POLE: variants seen among roughly 807,000 people sequenced by gnomAD.
The protein encoded by POLE is DNA polymerase epsilon, catalytic subunit, also known as DNA polymerase epsilon catalytic subunit A.
A neutral mutation model predicts 279.2 loss-of-function variants in POLE; 188 were observed. That is an observed-to-expected ratio of 0.67 (90% CI 0.60 to 0.76). The LOEUF (loss-of-function observed/expected upper bound fraction) is 0.76. POLE is among the 30% of genes least tolerant of loss of function. The pLI is 0.00. For synonymous variants in POLE, 1,214 were observed against 1,172.5 expected (o/e 1.04, Z -0.72); for missense variants, 2,703 against 3,016.7 (o/e 0.90, Z 2.44).
intron 21 of POLE, 71 bp downstream of exon 21, chr12:132,665,231 A>G (rs1593784842): frequency 6.8e-7 from 1 of 1,475,874 alleles, no homozygotes; most frequent in Admixed American, 1.7e-5. Context: ...AGCAGCCTAC[A>G]CCTGAAGCTG....
chr12:132,671,119 C>A (rs1294890121), intron 16 of POLE, among the ~76,000 whole-genome samples: 1 of 151,710 alleles, frequency 6.6e-6, no homozygotes, highest in East Asian at 1.9e-4. Flanking sequence ...AAAAATTGGC[C>A]AGGCATGGTG....
intron 45 of POLE, among the ~76,000 whole-genome samples, chr12:132,627,750 G>T (rs558427836): frequency 6.6e-6 from 1 of 152,326 alleles, no homozygotes; most frequent in East Asian, 1.9e-4. Context: ...CGTTTTGCTG[G>T]TGGAGGGTCT....
At chr12:132,633,970 G>A (rs536755710) in intron 43 of POLE, 30 of 484,998 alleles carry the variant, frequency 6.2e-5, no homozygotes, top group Admixed American at 5.9e-4. Context: ...GCAAAGGCTG[G>A]AGGGAAGACA....
chr12:132,656,789 T>C (rs1197847540), intron 29 of POLE, among the ~76,000 whole-genome samples: 1 of 152,242 alleles, frequency 6.6e-6, no homozygotes, highest in Non-Finnish European at 1.5e-5. Context: ...CTGTGTCCTG[T>C]GTTTCTAAGT....
Position 132,624,345 on chromosome 12 carries a change from G to A in POLE, c.*352C>T. The A allele has an allele frequency of 2.7e-6, 1 of 376,674 alleles. No homozygotes were observed. The highest frequency in any genetic ancestry group is 4.9e-6 in the Non-Finnish European group (1 of 202,472). The allele number at this position is 376,674 out of a possible 1,614,324, so 23.3% of individuals were successfully genotyped here. A position where few individuals can be genotyped will look rare whatever the true frequency, so the allele number is the denominator to read the frequency against. ...CTCTGGGAGGCAGGACAAAGAACTA[G>A]GGGCACCTAGAGGACGCTCCCACCC... On this transcript the variant is annotated 3_prime_UTR_variant, in exon 49 of 49. Coordinates refer to ENST00000320574, the MANE Select transcript of POLE (RefSeq NM_006231.4).
At position 132,668,394 on chromosome 12, in the gene POLE, C is replaced by T. The variant is rs115225325; in HGVS notation, c.2135G>A (p.Arg712His). Reference sequence around the variant, plus strand: ...CTTCTCGTATTTCGCCTGTTCCTCGCGGGACAGTTCATGAAAGGCCCGAGC... The same window carrying T: ...CTTCTCGTATTTCGCCTGTTCCTCGTGGGACAGTTCATGAAAGGCCCGAGC... ...GPARAFHELS[R>H]EEQAKYEKRR... Residue 712 changes from arginine (R) to histidine (H), a missense_variant, in exon 19 of 49, where the codon CGC becomes CAC. By Grantham distance (29) the Arg-to-His change is conservative. Transcript: ENST00000320574. This position sits in a 1 kb window ranked among gnomAD's most constrained non-coding sequence, Gnocchi z 4.0. 29 of 1,608,750 alleles carry T rather than the reference C, an allele frequency of 1.8e-5. No individual in the cohort carries two copies. Among genetic ancestry groups the T allele is most frequent in the Non-Finnish European group, 1.4e-5 (16 of 1,177,170 alleles).
In POLE at chr12:132,649,524, G is replaced by A; in HGVS notation, c.3796-9C>T. The A allele has an allele frequency of 6.2e-7, 1 of 1,611,874 alleles. No homozygotes were observed. Among genetic ancestry groups the A allele is most frequent in the Non-Finnish European group, 8.5e-7 (1 of 1,179,494 alleles). On this transcript the variant is annotated splice_polypyrimidine_tract_variant and intron_variant, in intron 30 of 48. Transcript: ENST00000320574. ...CAGACAAGCCATTCCTCCTGGGATG[G>A]ATGGTGAGCACAGCCAGTGTGCAAG...
Position 132,624,580 on chromosome 12 carries a change from G to T in POLE, c.*117C>A. On this transcript the variant is annotated 3_prime_UTR_variant, in exon 49 of 49. Transcript: ENST00000320574. ...GTTTCCTCCCCGTTCCCTGGCCTGG[G>T]GTCACAGGTTTGGACAGTCAGGGTG... The T allele has an allele frequency of 2.7e-6, 2 of 749,988 alleles. No individual in the cohort carries two copies. The highest frequency in any genetic ancestry group is 2.9e-5 in the South Asian group (2 of 69,936). The allele number at this position is 749,988 out of a possible 1,614,324, so 46.5% of individuals were successfully genotyped here.
Position 132,643,509 on chromosome 12 carries a change from T to C in POLE, c.4342A>G (p.Asn1448Asp), listed in dbSNP as rs1325155199. The change falls in exon 34 of 49, where the codon AAT becomes GAT. Residue 1448 changes from asparagine to aspartate, a missense_variant. Asn to Asp is a conservative substitution (Grantham distance 23). Around this residue, in one of 5 missense-constraint regions of POLE, gnomAD observed 1,551 missense variants for 1,686.1 expected, o/e 0.92. Transcript: ENST00000320574. ...GAAAGGTGCCTCACCAGCTGTTTAT[T>C]GACCACACACACACAGCCCAGGTGC... ...LVHLGCVCVV[N>D]KQLVRHLSGW... 6.2e-7 allele frequency: 1 copy of C among 1,614,178 alleles called. No individual in the cohort carries two copies. Among genetic ancestry groups the C allele is most frequent in the Admixed American group, 1.7e-5 (1 of 60,026 alleles).
chr12:132,673,299 G>C (rs2135997306), intron 13 of POLE, 22 bp from the exon 14 acceptor site: 1 of 1,502,956 alleles, frequency 6.7e-7, no homozygotes, highest in Non-Finnish European at 9.3e-7. Flanking sequence ...ACGCCAGAGA[G>C]CAGGGCCATC....
At chr12:132,654,474 CTA>C (rs1182200581) in intron 29 of POLE, among the ~76,000 whole-genome samples, 1 of 152,182 alleles carries the variant, frequency 6.6e-6, no homozygotes, top group Non-Finnish European at 1.5e-5. Context: ...TCCGTTCCAT[CTA>C]TGTTTTCCAA....
At chr12:132,641,883 T>A (rs2042152888) in intron 38 of POLE, 32 bp from the exon 39 acceptor site, 5 of 1,591,336 alleles carry the variant, frequency 3.1e-6, no homozygotes, top group Non-Finnish European at 4.3e-6. Flanking sequence ...TCAGCCAGCA[T>A]CCTGCCAGCT....
intron 45 of POLE, among the ~76,000 whole-genome samples, chr12:132,628,700 C>T (rs1317664587): frequency 6.6e-6 from 1 of 151,918 alleles, no homozygotes; most frequent in Non-Finnish European, 1.5e-5. Context: ...AACTACTTTA[C>T]TGCTCATCCA....
chr12:132,643,770 G>A (rs1307194430), intron 33 of POLE, 67 bp downstream of exon 33: 1 of 1,568,518 alleles, frequency 6.4e-7, no homozygotes, highest in Non-Finnish European at 8.7e-7. Flanking sequence ...CCCTGGGCGG[G>A]TTTCTTTCCT....
chr12:132,632,307 A>C lies in POLE; in HGVS notation c.6330+8T>G, dbSNP rs1060504047. ...GTCCTCTCCTCACACGCACGCTGGC[A>C]CTCTCACCTTGCACACGTATTTGAT... On this transcript the variant is annotated splice_region_variant and intron_variant, in intron 45 of 48. Coordinates refer to ENST00000320574, the MANE Select transcript of POLE (RefSeq NM_006231.4). 2 of 1,610,200 alleles carry C rather than the reference A, an allele frequency of 1.2e-6. No individual in the cohort carries two copies. Among genetic ancestry groups the C allele is most frequent in the Non-Finnish European group, 8.5e-7 (1 of 1,176,924 alleles).
intron 9 of POLE, 64 bp downstream of exon 9, chr12:132,676,482 G>A: frequency 9.9e-7 from 1 of 1,012,352 alleles, no homozygotes; most frequent in Non-Finnish European, 1.6e-6. Context: ...AGATGCTGCT[G>A]TAGTATGGGG....
In POLE at chr12:132,672,307, C is replaced by T. The variant is rs115340410; in HGVS notation, c.1702G>A (p.Asp568Asn). The change falls in exon 16 of 49, where the codon GAC becomes AAC. Residue 568 changes from aspartate (D) to asparagine (N), a missense_variant. Transcript: ENST00000320574. ...TTCTCAACCCGCTGCAGCAGGAAGTCAAAGGCGGCAGGATTCTAGCACAAC... is the reference window on the plus strand; with the variant it reads ...TTCTCAACCCGCTGCAGCAGGAAGTTAAAGGCGGCAGGATTCTAGCACAAC... ...CRFRMNPAAF[D>N]FLLQRVEKTL... 6.2e-7 allele frequency: 1 copy of T among 1,614,118 alleles called. No individual in the cohort carries two copies. The highest frequency in any genetic ancestry group is 1.3e-5 in the African/African-American group (1 of 75,048).
At chr12:132,652,965 G>A (rs1181180238) in intron 29 of POLE, among the ~76,000 whole-genome samples, 1 of 152,030 alleles carries the variant, frequency 6.6e-6, no homozygotes, top group Non-Finnish European at 1.5e-5. Context: ...TTTTTTATTG[G>A]AATTACACTG....
intron 47 of POLE, 187 bp from the exon 48 acceptor site, chr12:132,625,181 T>C (rs1450061032): frequency 2.9e-6 from 2 of 684,878 alleles, no homozygotes; most frequent in African/African-American, 3.5e-5. Context: ...GCGCCTTCCC[T>C]ACACCCACCC....
Sources: gnomAD v4.1 joint callset for allele counts (sites outside exome capture counted in the v4.1 genomes callset) on GRCh38, gnomAD v4.1.1 for gene constraint, gnomAD v4.1.1 regional missense constraint, Gnocchi (gnomAD v3.1) non-coding constraint, MANE v1.5 for transcripts, NCBI Gene and HGNC (gene_info 2026-07-23, HGNC 2026-07-21) for gene names.